Variants in MBD5 observed in about 807,000 individuals in gnomAD.
MBD5 encodes the protein methyl-CpG binding domain protein 5, also known as methyl-CpG-binding domain protein 5.
A neutral mutation model predicts 117.3 loss-of-function variants in MBD5; 13 were observed. The observed-to-expected ratio is 0.11, with a 90% CI of 0.07 to 0.18. The LOEUF (loss-of-function observed/expected upper bound fraction) is 0.18. MBD5 is among the 10% of genes least tolerant of loss of function. MBD5 has a pLI of 1.00. For synonymous variants in MBD5, 727 were observed against 766.4 expected, an observed-to-expected ratio of 0.95 and a Z score of 0.85; for missense variants, 1,879 against 2,093.8, an observed-to-expected ratio of 0.90 and a Z score of 2.00.
chr2:148,302,844 C>A (rs1012287221), intron 3 of MBD5, among the ~76,000 whole-genome samples: 21 of 151,688 alleles, frequency 1.4e-4, no homozygotes, highest in South Asian at 8.3e-4. Flanking sequence ...CTTGCCCAGG[C>A]TTCTGTTTTA....
At chr2:148,074,694 G>T (rs1350643581) in intron 1 of MBD5, among the ~76,000 whole-genome samples, 2 of 151,912 alleles carry the variant, frequency 1.3e-5, no homozygotes, top group East Asian at 3.9e-4. Flanking sequence ...AGTAGAGACG[G>T]GGTTTCACCA....
chr2:148,217,609 A>T (rs1469596419), intron 2 of MBD5, among the ~76,000 whole-genome samples: 1 of 152,092 alleles, frequency 6.6e-6, no homozygotes, highest in African/African-American at 2.4e-5. Flanking sequence ...TGTTGTTGCC[A>T]TTTCATATGT....
rs1035001713 is a variant in MBD5, at chr2:148,256,217, C to T, written c.-680+22822C>T. Among the ~76,000 whole-genome samples the T allele has an allele frequency of 5.3e-5, 8 of 152,332 alleles. No homozygotes were observed. In the East Asian group the frequency reaches 5.8e-4, roughly 11 times the overall value. ...TCTGAAAAGCCTCCCAAATGTCTTG[C>T]GTGGGCAGGGACAGACCCCAATGCG... On this transcript the variant is annotated intron_variant, in intron 3 of 13. Coordinates refer to ENST00000642680, the MANE Select transcript of MBD5 (RefSeq NM_001378120.1).
At chr2:148,507,265 TC>T (rs1182929296) in intron 12 of MBD5, among the ~76,000 whole-genome samples, 1 of 152,226 alleles carries the variant, frequency 6.6e-6, no homozygotes, top group African/African-American at 2.4e-5. Flanking sequence ...TTGCAATTTT[TC>T]ATGGTTAGGT....
At chr2:148,392,478 C>T (rs1209845722) in intron 4 of MBD5, among the ~76,000 whole-genome samples, 1 of 152,130 alleles carries the variant, frequency 6.6e-6, no homozygotes, top group Non-Finnish European at 1.5e-5. Flanking sequence ...TCTGAATTTT[C>T]ACGCACAATG....
intron 4 of MBD5, among the ~76,000 whole-genome samples, chr2:148,371,186 G>A (rs571261974): frequency 1.1e-4 from 16 of 152,100 alleles, no homozygotes; most frequent in Non-Finnish European, 1.6e-4. Context: ...CATTTAAAAT[G>A]TACTGAATAA....
At chr2:148,457,010 T>A (rs1481558600) in intron 4 of MBD5, among the ~76,000 whole-genome samples, 2 of 152,202 alleles carry the variant, frequency 1.3e-5, no homozygotes, top group Non-Finnish European at 2.9e-5. Context: ...GTTATGTGTC[T>A]ATTTACACTG....
At chr2:148,369,725 C>T (rs900036280) in intron 4 of MBD5, among the ~76,000 whole-genome samples, 7 of 151,960 alleles carry the variant, frequency 4.6e-5, no homozygotes, top group African/African-American at 1.7e-4. Flanking sequence ...TGGTATACTC[C>T]TGTGTTCAAA....
At chr2:148,307,969 A>T (rs1036499624) in intron 3 of MBD5, among the ~76,000 whole-genome samples, 1 of 152,074 alleles carries the variant, frequency 6.6e-6, no homozygotes, top group Non-Finnish European at 1.5e-5. Flanking sequence ...AAGGACATTA[A>T]CTCACTTTTT....
intron 2 of MBD5, among the ~76,000 whole-genome samples, chr2:148,229,057 C>A (rs1026071250): frequency 1.3e-5 from 2 of 152,042 alleles, no homozygotes; most frequent in Non-Finnish European, 2.9e-5. Flanking sequence ...TTTCAAAAAA[C>A]CAGCTCCTGG....
chr2:148,454,607 C>T (rs1706827834), intron 4 of MBD5, among the ~76,000 whole-genome samples: 1 of 151,942 alleles, frequency 6.6e-6, no homozygotes, highest in Non-Finnish European at 1.5e-5. Context: ...AGACGAGAAT[C>T]GTAATACTGG....
intron 1 of MBD5, among the ~76,000 whole-genome samples, chr2:148,033,627 A>G (rs1448224417): frequency 6.6e-6 from 1 of 152,198 alleles, no homozygotes; most frequent in Non-Finnish European, 1.5e-5. Flanking sequence ...TAAGAAGAAA[A>G]TATCACAAAG....
intron 1 of MBD5, among the ~76,000 whole-genome samples, chr2:148,169,467 A>C (rs567472294): frequency 3.4e-4 from 51 of 152,204 alleles, no homozygotes; most frequent in Non-Finnish European, 6.9e-4. Flanking sequence ...TCTCAGAAAA[A>C]TCTCTCAAGG....
chr2:148,336,906 C>T (rs1702810798), intron 3 of MBD5, among the ~76,000 whole-genome samples: 1 of 152,096 alleles, frequency 6.6e-6, no homozygotes, highest in South Asian at 2.1e-4. Flanking sequence ...CTGCCATGGT[C>T]CTTGCTGTAA....
chr2:148,042,478 C>G (rs1358785007), intron 1 of MBD5, among the ~76,000 whole-genome samples: 1 of 151,132 alleles, frequency 6.6e-6, no homozygotes, highest in Non-Finnish European at 1.5e-5. Flanking sequence ...TTTTAATGGC[C>G]TTGGTTACAT....
At chr2:148,090,149 C>T (rs1398524450) in intron 1 of MBD5, among the ~76,000 whole-genome samples, 1 of 151,800 alleles carries the variant, frequency 6.6e-6, no homozygotes, top group Non-Finnish European at 1.5e-5. Context: ...GAAGTAGAAA[C>T]TCTGAACAGA....
At chr2:148,118,436 AT>A (rs1390464095) in intron 1 of MBD5, among the ~76,000 whole-genome samples, 20 of 135,840 alleles carry the variant, frequency 1.5e-4, no homozygotes, top group South Asian at 6.5e-4. Context: ...ATAAAAAAAA[AT>A]ATATATATAT....
intron 4 of MBD5, among the ~76,000 whole-genome samples, chr2:148,371,067 A>G (rs1703838886): frequency 6.6e-6 from 1 of 152,196 alleles, no homozygotes; most frequent in African/African-American, 2.4e-5. Flanking sequence ...CTCATGGAAC[A>G]TTTAGTAGCT....
chr2:148,045,314 A>G (rs560611886), intron 1 of MBD5, among the ~76,000 whole-genome samples: 45 of 152,330 alleles, frequency 3.0e-4, no homozygotes, highest in African/African-American at 1.1e-3. Context: ...AGTAAATTTT[A>G]AATGAGATTT....
Sources: gnomAD v4.1 joint callset for allele counts (sites outside exome capture counted in the v4.1 genomes callset) on GRCh38, gnomAD v4.1.1 for gene constraint, MANE v1.5 for transcripts, NCBI Gene and HGNC (gene_info 2026-07-23, HGNC 2026-07-21) for gene names.